ARHGAP44: variants seen among roughly 807,000 people sequenced by gnomAD.
ARHGAP44 encodes Rho GTPase activating protein 44, also known as rho GTPase-activating protein 44.
Under a neutral mutation model 106.8 loss-of-function variants are expected in ARHGAP44, and 43 were observed. The ratio of observed to expected loss-of-function variants is 0.40; its 90% CI spans 0.32 to 0.52. The LOEUF is 0.52. Among genes scored for constraint, ARHGAP44 ranks in the 20% least tolerant of loss-of-function variants. The pLI is 0.48. For synonymous variants in ARHGAP44, 439 were observed against 410.3 expected, an observed-to-expected ratio of 1.07 and a Z score of -0.85; for missense variants, 866 against 1,050.5, an observed-to-expected ratio of 0.82 and a Z score of 2.43.
At chr17:12,904,175 C>T (rs541178932) in intron 3 of ARHGAP44, among the ~76,000 whole-genome samples, 123 of 152,166 alleles carry the variant, frequency 8.1e-4, no homozygotes, top group Non-Finnish European at 9.9e-4. Context: ...GGTGCCATCT[C>T]GGCTCACTGC....
chr17:12,975,398 C>T (rs550633533), intron 18 of ARHGAP44, among the ~76,000 whole-genome samples: 1 of 152,138 alleles, frequency 6.6e-6, no homozygotes, highest in East Asian at 1.9e-4. Context: ...ATGACCTTTG[C>T]AGCTTGCCAC....
At chr17:12,807,705 A>AT (rs1418685720) in intron 1 of ARHGAP44, among the ~76,000 whole-genome samples, 1 of 152,120 alleles carries the variant, frequency 6.6e-6, no homozygotes, top group African/African-American at 2.4e-5. Context: ...TCAAGATGAG[A>AT]TTTGGGTGGG....
chr17:12,841,637 C>CAA (rs140882682), intron 1 of ARHGAP44, among the ~76,000 whole-genome samples: 6,235 of 101,354 alleles, frequency 0.062, 200 homozygotes, highest in East Asian at 0.14. Flanking sequence ...CACACACACA[C>CAA]ACAAACAAAC....
chr17:12,887,658 T>G (rs1245390796), intron 1 of ARHGAP44, among the ~76,000 whole-genome samples: 5 of 152,186 alleles, frequency 3.3e-5, no homozygotes, highest in African/African-American at 2.4e-5. Flanking sequence ...TAAAATGAAT[T>G]GAGAAGCGTT....
chr17:12,815,912 A>C (rs776376921), intron 1 of ARHGAP44, among the ~76,000 whole-genome samples: 5 of 152,150 alleles, frequency 3.3e-5, no homozygotes, highest in African/African-American at 1.2e-4. Context: ...CACTGGACAG[A>C]TGGAACTATT....
chr17:12,947,041 A>G (rs1031715124), intron 10 of ARHGAP44, among the ~76,000 whole-genome samples: 2 of 152,132 alleles, frequency 1.3e-5, no homozygotes, highest in African/African-American at 4.8e-5. Context: ...CCCCTAGCCT[A>G]AAACAATATA....
intron 16 of ARHGAP44, among the ~76,000 whole-genome samples, chr17:12,960,886 AT>A (rs1480274913): frequency 7.2e-5 from 11 of 152,276 alleles, no homozygotes; most frequent in African/African-American, 2.6e-4. Flanking sequence ...TCTTTAATCT[AT>A]AAAAAAGAAC....
intron 1 of ARHGAP44, among the ~76,000 whole-genome samples, chr17:12,863,016 A>G (rs954783873): frequency 6.6e-6 from 1 of 151,632 alleles, no homozygotes; most frequent in African/African-American, 2.4e-5. Context: ...GGCCGAGCAC[A>G]ATGTCTCATG....
chr17:12,974,796 A>G (rs1189172367), intron 18 of ARHGAP44, among the ~76,000 whole-genome samples: 3 of 152,160 alleles, frequency 2.0e-5, no homozygotes, highest in Non-Finnish European at 4.4e-5. Flanking sequence ...TGGTAATAAA[A>G]TAGAAGAATT....
At chr17:12,887,860 A>AT (rs1367764960) in intron 1 of ARHGAP44, among the ~76,000 whole-genome samples, 35 of 143,776 alleles carry the variant, frequency 2.4e-4, no homozygotes, top group Middle Eastern at 3.6e-3. Context: ...TATTGCAATC[A>AT]TTTTTGTTTT....
intron 1 of ARHGAP44, among the ~76,000 whole-genome samples, chr17:12,818,750 A>G (rs1277418214): frequency 6.6e-6 from 1 of 152,066 alleles, no homozygotes; most frequent in Non-Finnish European, 1.5e-5. Context: ...GCCAAAGGCT[A>G]TAAAACACTG....
chr17:12,973,671 C>T (rs964235901), intron 17 of ARHGAP44: 2 of 479,926 alleles, frequency 4.2e-6, no homozygotes, highest in South Asian at 2.9e-5. Flanking sequence ...GCCCCTCCCA[C>T]CTCGTCTTGC....
chr17:12,868,258 CTCT>C (rs1307785457), intron 1 of ARHGAP44, among the ~76,000 whole-genome samples: 4 of 152,070 alleles, frequency 2.6e-5, no homozygotes, highest in South Asian at 2.1e-4. Context: ...TTGTCACTTC[CTCT>C]TCTTATAGGG....
chr17:12,818,556 G>C (rs533473556), intron 1 of ARHGAP44, among the ~76,000 whole-genome samples: 1 of 152,060 alleles, frequency 6.6e-6, no homozygotes, highest in African/African-American at 2.4e-5. Context: ...ATTTGTAGAC[G>C]ATGTGATCAC....
intron 19 of ARHGAP44, among the ~76,000 whole-genome samples, chr17:12,982,322 T>G (rs1448540302): frequency 6.4e-5 from 1 of 15,558 alleles, no homozygotes; most frequent in Non-Finnish European, 1.7e-4. Context: ...TTTTTTTAAT[T>G]TTTTTTTTTT....
At chr17:12,980,366 T>C (rs2039802322) in intron 19 of ARHGAP44, 133 bp downstream of exon 19, 2 of 1,010,824 alleles carry the variant, frequency 2.0e-6, no homozygotes, top group Non-Finnish European at 2.8e-6. Context: ...ATCTGGACAT[T>C]AGAGCTTTGG....
chr17:12,901,380 G>A (rs909091842), intron 3 of ARHGAP44, among the ~76,000 whole-genome samples: 3 of 152,136 alleles, frequency 2.0e-5, no homozygotes, highest in African/African-American at 2.4e-5. Flanking sequence ...GCAGAGGAAA[G>A]CCAGCATTTT....
chr17:12,895,170 A>G (rs937428492), intron 2 of ARHGAP44, among the ~76,000 whole-genome samples, 191 bp downstream of exon 2: 1 of 144,072 alleles, frequency 6.9e-6, no homozygotes, highest in South Asian at 2.2e-4. Context: ...ACAAACAACC[A>G]AAAAAACCAA....
intron 1 of ARHGAP44, among the ~76,000 whole-genome samples, chr17:12,811,312 C>CA (rs368637195): frequency 0.23 from 22,304 of 98,454 alleles, 2,501 homozygotes; most frequent in African/African-American, 0.38. Context: ...GACTCCTTCT[C>CA]AAAAAAAAAA....
Sources: gnomAD v4.1 joint callset for allele counts (sites outside exome capture counted in the v4.1 genomes callset) on GRCh38, gnomAD v4.1.1 for gene constraint, MANE v1.5 for transcripts, NCBI Gene and HGNC (gene_info 2026-07-23, HGNC 2026-07-21) for gene names.